ASCC3: variants seen among roughly 807,000 people sequenced by gnomAD.
ASCC3 encodes ASC-1 complex subunit P200.
In ASCC3, 158 loss-of-function variants were observed where a neutral mutation model predicts 256.3. The observed-to-expected ratio is 0.62, with a 90% CI of 0.54 to 0.70. ASCC3 has a LOEUF of 0.70. Among genes scored for constraint, ASCC3 ranks in the 30% least tolerant of loss-of-function variants. ASCC3 has a pLI of 0.00. For missense variants in ASCC3, 2,259 were observed against 2,626.0 expected (o/e 0.86, Z 3.05); for synonymous variants, 948 against 883.4 (o/e 1.07, Z -1.30).
chr6:100,692,346 A>G (rs545877315), intron 13 of ASCC3, among the ~76,000 whole-genome samples: 1 of 152,230 alleles, frequency 6.6e-6, no homozygotes, highest in South Asian at 2.1e-4. Flanking sequence ...TTCAAGCAAG[A>G]TAATTTGCTG....
chr6:100,858,769 A>G, intron 3 of ASCC3: 1 of 885,654 alleles, frequency 1.1e-6, no homozygotes, highest in Non-Finnish European at 1.4e-6. Context: ...ATCCTCTTAC[A>G]TAGCCACAAC....
intron 8 of ASCC3, among the ~76,000 whole-genome samples, chr6:100,769,480 TTTA>T (rs1781819954): frequency 6.6e-6 from 1 of 151,908 alleles, no homozygotes; most frequent in African/African-American, 2.4e-5. Context: ...CATACCATTA[TTTA>T]TTATTTGTCA....
chr6:100,593,754 G>C (rs188399533), intron 34 of ASCC3, among the ~76,000 whole-genome samples: 59 of 152,082 alleles, frequency 3.9e-4, no homozygotes, highest in African/African-American at 1.1e-3. Flanking sequence ...CACAAATAGC[G>C]AAAGTGGTTG....
intron 37 of ASCC3, among the ~76,000 whole-genome samples, chr6:100,522,426 T>C (rs1435797060): frequency 6.6e-6 from 1 of 151,838 alleles, no homozygotes; most frequent in Non-Finnish European, 1.5e-5. Flanking sequence ...GGAGAGGAGG[T>C]GATGAATTTA....
At chr6:100,583,297 T>G (rs575788882) in intron 36 of ASCC3, among the ~76,000 whole-genome samples, 51 of 152,348 alleles carry the variant, frequency 3.3e-4, no homozygotes, top group Middle Eastern at 3.4e-3. Context: ...ATTCAACTTC[T>G]TCCTGGTTTA....
intron 37 of ASCC3, among the ~76,000 whole-genome samples, chr6:100,524,897 A>G (rs1774492279): frequency 6.6e-6 from 1 of 152,012 alleles, no homozygotes; most frequent in Non-Finnish European, 1.5e-5. Context: ...TAAACATACG[A>G]AAATAAGATC....
intron 4 of ASCC3, among the ~76,000 whole-genome samples, chr6:100,843,506 T>C (rs1489084527): frequency 6.6e-6 from 1 of 152,204 alleles, no homozygotes; most frequent in Admixed American, 6.5e-5. Context: ...AATAACTCTA[T>C]CAGTATCTAC....
intron 40 of ASCC3, among the ~76,000 whole-genome samples, chr6:100,512,160 G>A (rs1773795341): frequency 1.3e-5 from 2 of 152,258 alleles, no homozygotes; most frequent in Admixed American, 6.5e-5. Flanking sequence ...TATAATGAAG[G>A]ACGCAGGCAA....
rs190381100 is a variant in ASCC3 at position 100,751,331 on chromosome 6, T to C, written c.1737+15234A>G. On this transcript the variant is annotated intron_variant, in intron 10 of 41. Transcript: ENST00000369162. ...TTTCAAGTCTTTGGAAAAAACACAG[T>C]CATACTACTTCCTACCTCACACCTA... Among the ~76,000 whole-genome samples, 379 of 152,146 alleles carry C rather than the reference T, an allele frequency of 2.5e-3. 1 individual carries two copies. The highest frequency in any genetic ancestry group is 8.3e-3 in the African/African-American group (346 of 41,550).
intron 14 of ASCC3, among the ~76,000 whole-genome samples, chr6:100,672,982 A>G (rs1429083794): frequency 6.6e-6 from 1 of 152,100 alleles, no homozygotes; most frequent in African/African-American, 2.4e-5. Flanking sequence ...GTATATAAAC[A>G]AGTCACAATC....
chr6:100,627,386 C>T (rs1390843557), intron 29 of ASCC3, among the ~76,000 whole-genome samples: 1 of 152,030 alleles, frequency 6.6e-6, no homozygotes. Flanking sequence ...ACTACAAAGT[C>T]ATTACCATTT....
At chr6:100,537,905 G>A (rs1775244451) in intron 37 of ASCC3, among the ~76,000 whole-genome samples, 1 of 149,888 alleles carries the variant, frequency 6.7e-6, no homozygotes, top group African/African-American at 2.4e-5. Flanking sequence ...TATATATACT[G>A]TATAAATATA....
intron 36 of ASCC3, among the ~76,000 whole-genome samples, chr6:100,583,275 C>G (rs1404314239): frequency 7.2e-5 from 11 of 152,058 alleles, no homozygotes; most frequent in South Asian, 6.2e-4. Flanking sequence ...CCTGTTATTG[C>G]TCTATTCAGA....
At chr6:100,790,491 A>C (rs1315892982) in intron 8 of ASCC3, among the ~76,000 whole-genome samples, 1 of 151,972 alleles carries the variant, frequency 6.6e-6, no homozygotes, top group Admixed American at 6.6e-5. Context: ...ACAAGAAGAA[A>C]ATCTATAAAT....
intron 10 of ASCC3, among the ~76,000 whole-genome samples, chr6:100,738,017 G>C (rs372814966): frequency 3.9e-5 from 6 of 152,274 alleles, no homozygotes; most frequent in Middle Eastern, 3.4e-3. Context: ...CTGCATGTAT[G>C]TCTTCTCTGG....
intron 10 of ASCC3, among the ~76,000 whole-genome samples, chr6:100,761,864 T>C (rs1371613406): frequency 6.6e-6 from 1 of 152,176 alleles, no homozygotes; most frequent in Admixed American, 6.5e-5. Flanking sequence ...GATATACAGA[T>C]AAAACTGCAT....
chr6:100,640,825 T>C (rs1582616924), intron 24 of ASCC3, among the ~76,000 whole-genome samples: 1 of 152,144 alleles, frequency 6.6e-6, no homozygotes, highest in East Asian at 1.9e-4. Flanking sequence ...GCTAAGATAA[T>C]GAATAGGGTA....
intron 10 of ASCC3, among the ~76,000 whole-genome samples, chr6:100,758,558 G>A (rs1051110809): frequency 7.9e-5 from 12 of 152,204 alleles, no homozygotes; most frequent in African/African-American, 2.4e-4. Context: ...TCCCTGCAAA[G>A]GACATGATCT....
Position 100,661,867 on chromosome 6 carries a change from G to A in ASCC3, c.2642C>T (p.Thr881Ile). 1 of 1,613,348 alleles carries A rather than the reference G, an allele frequency of 6.2e-7. No individual in the cohort carries two copies. The highest frequency in any genetic ancestry group is 8.5e-7 in the Non-Finnish European group (1 of 1,179,458). The change falls in exon 16 of 42, where the codon ACT (threonine) becomes ATT (isoleucine). Residue 881 changes from threonine (T) to isoleucine (I), a missense_variant. By Grantham distance (89) the Thr-to-Ile change is moderately conservative. Transcript: ENST00000369162. Reference protein sequence around the residue: ...DKLSHYLTLLTQRNPIESQFL... With the variant: ...DKLSHYLTLLIQRNPIESQFL... ...CTGACTCTCAATTGGGTTTCGTTGA[G>A]TGAGCAAAGTGAGGTAATGGCTGAG...
Sources: gnomAD v4.1 joint callset for allele counts (sites outside exome capture counted in the v4.1 genomes callset) on GRCh38, gnomAD v4.1.1 for gene constraint, MANE v1.5 for transcripts, NCBI Gene and HGNC (gene_info 2026-07-23, HGNC 2026-07-21) for gene names.